MAP7D1: variants seen among roughly 807,000 people sequenced by gnomAD.
The protein encoded by MAP7D1 is MAP7 domain containing 1, also known as MAP7 domain-containing protein 1.
In MAP7D1, 30 loss-of-function variants were observed where a neutral mutation model predicts 97.5. The observed-to-expected ratio is 0.31, with a 90% CI of 0.23 to 0.42. The LOEUF (loss-of-function observed/expected upper bound fraction) is 0.42. MAP7D1 is among the 10% of genes least tolerant of loss of function. The pLI, the probability that MAP7D1 is intolerant of heterozygous loss-of-function variation, is 1.00. For synonymous variants in MAP7D1, 536 were observed against 477.1 expected (o/e 1.12, Z -1.61); for missense variants, 1,184 against 1,179.5 (o/e 1.00, Z -0.06).
intron 1 of MAP7D1, among the ~76,000 whole-genome samples, chr1:36,168,937 T>C (rs1015058984): frequency 2.0e-5 from 3 of 152,056 alleles, no homozygotes; most frequent in South Asian, 2.1e-4. Flanking sequence ...TTCATAACTA[T>C]TGTCAGTGAG....
In MAP7D1 at chr1:36,176,489, C is replaced by G; in HGVS notation, c.1141C>G (p.Arg381Gly). ...GTGCAGCGTCACCCGAAGCGTGCAC[C>G]GCTGCGCCCCCGCCGGTGAGCGCGG... ...TPCSVTRSVH[R>G]CAPAGERGER... The change falls in exon 7 of 17, where the codon CGC (arginine) becomes GGC (glycine). Residue 381 changes from arginine (R) to glycine (G), a missense_variant. Coordinates refer to ENST00000474796, the MANE Select transcript of MAP7D1 (RefSeq NM_001388490.1). The surrounding 1 kb of genome is among the most constrained non-coding windows in gnomAD (Gnocchi z 6.1). The G allele has an allele frequency of 1.4e-6, 2 of 1,389,150 alleles. No individual in the cohort carries two copies. Among genetic ancestry groups the G allele is most frequent in the South Asian group, 2.9e-5 (2 of 69,748 alleles). 86.1% of individuals were successfully genotyped at this position (1,389,150 alleles called of 1,614,324 possible).
At chr1:36,179,168 G>C in intron 12 of MAP7D1, 94 bp from the exon 13 acceptor site, 2 of 1,517,828 alleles carry the variant, frequency 1.3e-6, no homozygotes, top group Non-Finnish European at 1.8e-6. Context: ...CTATGAGCTG[G>C]GAGGCCCTAA....
intron 1 of MAP7D1, among the ~76,000 whole-genome samples, chr1:36,158,260 G>T (rs996486395): frequency 4.6e-5 from 7 of 152,086 alleles, no homozygotes; most frequent in African/African-American, 1.7e-4. Flanking sequence ...AGTCACATGA[G>T]AACCTGGATC....
Position 36,173,440 on chromosome 1 carries a change from C to T in MAP7D1, c.701C>T (p.Ala234Val), listed in dbSNP as rs1310120439. 1 of 1,614,002 alleles carries T rather than the reference C, an allele frequency of 6.2e-7. No individual in the cohort carries two copies. Among genetic ancestry groups the T allele is most frequent in the South Asian group, 1.1e-5 (1 of 91,058 alleles). ...ATCCGGCAGCAGCGCTGGTCCTGGG[C>T]AGGGGCCCTGCACCACAGCTCTCCA... is the stretch of plus-strand genomic sequence containing the variant. ...AEIRQQRWSWAGALHHSSPGH... is the reference protein window; with the variant it reads ...AEIRQQRWSWVGALHHSSPGH... The change falls in exon 5 of 17, where the codon GCA becomes GTA. Residue 234 changes from alanine (A) to valine (V), a missense_variant. By Grantham distance (64) the Ala-to-Val change is moderately conservative (BLOSUM62 0). Coordinates refer to ENST00000474796, the MANE Select transcript of MAP7D1 (RefSeq NM_001388490.1).
Position 36,176,851 on chromosome 1 carries a change from G to C in MAP7D1, c.1379+9G>C, listed in dbSNP as rs369628138. On this transcript the variant is annotated intron_variant, in intron 8 of 16. Coordinates refer to ENST00000474796, the MANE Select transcript of MAP7D1 (RefSeq NM_001388490.1). The surrounding 1 kb of genome is among the most constrained non-coding windows in gnomAD (Gnocchi z 6.1). ...ACCGCCTCTGAGCTCAGGTGGGCGC[G>C]GGCGGTGCGAGGGACCCTGCCCCTC... is the stretch of plus-strand genomic sequence containing the variant. The C allele has an allele frequency of 3.2e-6, 5 of 1,583,192 alleles. No homozygotes were observed. The highest frequency in any genetic ancestry group is 4.3e-6 in the Non-Finnish European group (5 of 1,164,852).
At chr1:36,179,850 G>C in intron 15 of MAP7D1, 24 bp from the exon 16 acceptor site, 1 of 1,597,738 alleles carries the variant, frequency 6.3e-7, no homozygotes, top group Non-Finnish European at 8.5e-7. Context: ...GTGAGGTGCT[G>C]AGCCTTGGCC....
chr1:36,171,231 C>T lies in MAP7D1; in HGVS notation c.307C>T (p.Pro103Ser). The T allele has an allele frequency of 6.2e-7, 1 of 1,610,530 alleles. No individual in the cohort carries two copies. The highest frequency in any genetic ancestry group is 1.3e-5 in the African/African-American group (1 of 74,876). Residue 103 changes from proline to serine, a missense_variant, in exon 2 of 17, where the codon CCA (proline) becomes TCA (serine). Pro to Ser is a moderately conservative substitution (Grantham distance 74). Coordinates refer to ENST00000474796, the MANE Select transcript of MAP7D1 (RefSeq NM_001388490.1). ...SRGPTPPAMG[P>S]RDARPPRRSS... ...AGGACCCACCCCACCAGCCATGGGC[C>T]CACGGGATGCCAGACCTCCTCGAAG...
At position 36,156,373 on chromosome 1, in the gene MAP7D1, C is replaced by T. The variant is rs1399248318; in HGVS notation, c.-45C>T. 2.7e-6 allele frequency: 4 copies of T among 1,475,318 alleles called. No individual in the cohort carries two copies. The highest frequency in any genetic ancestry group is 4.6e-5 in the Admixed American group (2 of 43,556). 91.4% of individuals were successfully genotyped at this position (1,475,318 alleles called of 1,614,324 possible). On this transcript the variant is annotated 5_prime_UTR_variant, in exon 1 of 17. Transcript: ENST00000474796. Reference sequence around the variant, plus strand: ...CCCTGTCCTGGCCACTGGCCGCCGCCGCCGCCGCCGCTGAGACCCCGAGAC... The same window carrying T: ...CCCTGTCCTGGCCACTGGCCGCCGCTGCCGCCGCCGCTGAGACCCCGAGAC...
chr1:36,174,726 A>AC (rs907807838), intron 5 of MAP7D1, among the ~76,000 whole-genome samples, 172 bp from the exon 6 acceptor site: 2 of 93,436 alleles, frequency 2.1e-5, no homozygotes, highest in African/African-American at 4.2e-5. Flanking sequence ...CTGGTCACCT[A>AC]CCCCCCCACC....
Position 36,180,020 on chromosome 1 carries a change from C to T in MAP7D1, c.2465C>T (p.Ala822Val). Residue 822 changes from alanine to valine, a missense_variant, in exon 16 of 17, where the codon GCA becomes GTA. By Grantham distance (64) the Ala-to-Val change is moderately conservative. Transcript: ENST00000474796. ...GAGACACTCCTGCCCTTTGCAGAGG[C>T]AGAAGCCTTCCTCAAGAAAGCTGTG... ...TPETLLPFAE[A>V]EAFLKKAVVQ... 2 of 1,614,190 alleles carry T rather than the reference C, an allele frequency of 1.2e-6. No homozygotes were observed. Among genetic ancestry groups the T allele is most frequent in the Non-Finnish European group, 1.7e-6 (2 of 1,180,024 alleles).
chr1:36,175,114 C>T, intron 6 of MAP7D1, 106 bp downstream of exon 6: 2 of 702,972 alleles, frequency 2.8e-6, no homozygotes. Context: ...CTCACATACT[C>T]CAGGTCCCCA....
At chr1:36,164,854 G>A (rs557425972) in intron 1 of MAP7D1, among the ~76,000 whole-genome samples, 4 of 152,328 alleles carry the variant, frequency 2.6e-5, no homozygotes, top group Admixed American at 6.5e-5. Context: ...AGGTGAGAGC[G>A]ATGATGGTGA....
chr1:36,168,787 A>C (rs564901726), intron 1 of MAP7D1, among the ~76,000 whole-genome samples: 1 of 152,312 alleles, frequency 6.6e-6, no homozygotes, highest in Admixed American at 6.5e-5. Context: ...AGGAGGGTAT[A>C]ATGGGTAAGG....
intron 1 of MAP7D1, among the ~76,000 whole-genome samples, chr1:36,161,430 C>T (rs572969762): frequency 2.0e-5 from 3 of 152,354 alleles, no homozygotes; most frequent in East Asian, 1.9e-4. Flanking sequence ...GGGTAAAGAC[C>T]GTCATGCTGA....
At chr1:36,178,290 A>G in intron 9 of MAP7D1, 89 bp downstream of exon 9, 1 of 1,474,550 alleles carries the variant, frequency 6.8e-7, no homozygotes, top group Non-Finnish European at 9.0e-7. Context: ...ATGCCTGAGG[A>G]CTGGGAGTGG....
intron 12 of MAP7D1, 69 bp from the exon 13 acceptor site, chr1:36,179,193 G>T: frequency 6.3e-7 from 1 of 1,579,698 alleles, no homozygotes; most frequent in South Asian, 1.1e-5. Context: ...CCGAGGCCGG[G>T]TCTGGCTGGT....
Position 36,180,014 on chromosome 1 carries a change from C to T in MAP7D1, c.2459C>T (p.Ala820Val), listed in dbSNP as rs191108587. The part of the protein sequence containing the change: ...SRTPETLLPF[A>V]EAEAFLKKAV... ...ACACCAGAGACACTCCTGCCCTTTG[C>T]AGAGGCAGAAGCCTTCCTCAAGAAA... Residue 820 changes from alanine (A) to valine (V), a missense_variant, in exon 16 of 17, where the codon GCA (alanine) becomes GTA (valine). Ala to Val is a moderately conservative substitution (Grantham distance 64, BLOSUM62 0). Coordinates refer to ENST00000474796, the MANE Select transcript of MAP7D1 (RefSeq NM_001388490.1). 1.3e-4 allele frequency: 211 copies of T among 1,614,206 alleles called. No individual in the cohort carries two copies. Among genetic ancestry groups the T allele is most frequent in the Admixed American group, 9.0e-4 (54 of 60,026 alleles).
intron 16 of MAP7D1, 57 bp downstream of exon 16, chr1:36,180,124 T>C (rs1021534351): frequency 7.5e-6 from 12 of 1,610,134 alleles, no homozygotes; most frequent in Non-Finnish European, 1.0e-5. Flanking sequence ...TTCCCTGTAC[T>C]CCTCAGCCCT....
At position 36,176,959 on chromosome 1, in the gene MAP7D1, T is replaced by A; in HGVS notation, c.1379+117T>A. The A allele has an allele frequency of 1.1e-6, 1 of 912,782 alleles. No individual in the cohort carries two copies. Among genetic ancestry groups the A allele is most frequent in the Non-Finnish European group, 1.7e-6 (1 of 600,966 alleles). 56.5% of individuals were successfully genotyped at this position (912,782 alleles called of 1,614,324 possible). On this transcript the variant is annotated intron_variant, in intron 8 of 16. Coordinates refer to ENST00000474796, the MANE Select transcript of MAP7D1 (RefSeq NM_001388490.1). This position sits in a 1 kb window ranked among gnomAD's most constrained non-coding sequence, Gnocchi z 6.1. ...AACTTCCCTGAGGGCAGATTCTCTC[T>A]GTTTTGTTTGAGACAGGATCTCCCT...
Sources: gnomAD v4.1 joint callset for allele counts (sites outside exome capture counted in the v4.1 genomes callset) on GRCh38, gnomAD v4.1.1 for gene constraint, Gnocchi (gnomAD v3.1) non-coding constraint, MANE v1.5 for transcripts, NCBI Gene and HGNC (gene_info 2026-07-23, HGNC 2026-07-21) for gene names.